Variants in FARS2 observed in about 807,000 individuals in gnomAD.
FARS2 encodes the protein phenylalanine--tRNA ligase, mitochondrial.
In FARS2, 40 loss-of-function variants were observed where a neutral mutation model predicts 46.4. That is an observed-to-expected ratio of 0.86 (90% CI 0.67 to 1.12). The LOEUF (loss-of-function observed/expected upper bound fraction) is 1.12. Ranked by LOEUF, FARS2 falls within the 50% of genes most tolerant of loss-of-function variation. The probability of loss-of-function intolerance (pLI) is 0.00; values close to 1 mark genes in which losing one functional copy is unlikely to be tolerated. For missense variants in FARS2, 513 were observed against 567.9 expected, an observed-to-expected ratio of 0.90 and a Z score of 0.98; for synonymous variants, 234 against 214.9, an observed-to-expected ratio of 1.09 and a Z score of -0.78.
At chr6:5,691,289 G>T (rs983734015) in intron 6 of FARS2, among the ~76,000 whole-genome samples, 1 of 152,090 alleles carries the variant, frequency 6.6e-6, no homozygotes, top group East Asian at 1.9e-4. Flanking sequence ...TTCCAGTTTT[G>T]CTGCTCTGTT....
intron 5 of FARS2, among the ~76,000 whole-genome samples, chr6:5,583,902 T>G (rs78815639): frequency 0.19 from 28,262 of 152,078 alleles, 2,860 homozygotes; most frequent in East Asian, 0.4. Flanking sequence ...TGCCTGAATG[T>G]GATGCATTTT....
intron 1 of FARS2, among the ~76,000 whole-genome samples, chr6:5,362,796 A>G (rs78707878): frequency 0.025 from 3,789 of 151,462 alleles, 161 homozygotes; most frequent in African/African-American, 0.087. Flanking sequence ...TATCTATCTC[A>G]TTGTGCTTTT....
In FARS2 at chr6:5,765,656, G is replaced by A. The variant is rs956501369; in HGVS notation, c.1218-5635G>A. Among the ~76,000 whole-genome samples, 4 of 152,152 alleles carry A rather than the reference G, an allele frequency of 2.6e-5. No individual in the cohort carries two copies. Among genetic ancestry groups the A allele is most frequent in the African/African-American group, 9.7e-5 (4 of 41,432 alleles). ...ATCTCGGGAGAACATGAGGTTCCAC[G>A]TGGGGTGCGGTGTGGCTGACTTCAT... On this transcript the variant is annotated intron_variant, in intron 6 of 6. Transcript: ENST00000274680. This position sits in a 1 kb window ranked among gnomAD's most constrained non-coding sequence, Gnocchi z 4.0.
Position 5,369,036 on chromosome 6 carries a change from A to T in FARS2, c.466A>T (p.Thr156Ser). ...LNRTHMLRAH[T>S]SAHQWDLLHA... is the part of the protein sequence containing the mutation. ...TCGGACTCACATGCTGAGAGCGCAC[A>T]CGTCTGCACACCAGTGGGACTTGCT... The change falls in exon 2 of 7, where the codon ACG (threonine) becomes TCG (serine). Residue 156 changes from threonine (T) to serine (S), a missense_variant. Physicochemically the swap from Thr to Ser is moderately conservative, Grantham distance 58. Coordinates refer to ENST00000274680, the MANE Select transcript of FARS2 (RefSeq NM_006567.5). The T allele has an allele frequency of 6.2e-7, 1 of 1,614,112 alleles. No homozygotes were observed. Among genetic ancestry groups the T allele is most frequent in the Non-Finnish European group, 8.5e-7 (1 of 1,180,010 alleles).
intron 6 of FARS2, among the ~76,000 whole-genome samples, chr6:5,646,152 T>TA (rs1352365757): frequency 6.6e-6 from 1 of 152,140 alleles, no homozygotes; most frequent in Non-Finnish European, 1.5e-5. Context: ...AGCAGGGAGA[T>TA]ACAGGGTAAA....
Position 5,671,490 on chromosome 6 carries a change from A to G in FARS2, c.1217+58170A>G, listed in dbSNP as rs77843322. The stretch of plus-strand genomic sequence containing the variant: ...ACTTCCTGGTGTTACAGAAAGAACT[A>G]TGGTGTTCAAGGTCACTGTTGTATG... On this transcript the variant is annotated intron_variant, in intron 6 of 6. Transcript: ENST00000274680. Among the ~76,000 whole-genome samples, 658 of 152,306 alleles carry G rather than the reference A, an allele frequency of 4.3e-3. 6 individuals are homozygous for G. The highest frequency in any genetic ancestry group is 0.015 in the African/African-American group (630 of 41,574).
At chr6:5,358,238 G>A (rs1237730960) in intron 1 of FARS2, among the ~76,000 whole-genome samples, 1 of 151,932 alleles carries the variant, frequency 6.6e-6, no homozygotes, top group Non-Finnish European at 1.5e-5. Context: ...TTGCTAAATT[G>A]TTTGTGGGGG....
intron 5 of FARS2, among the ~76,000 whole-genome samples, chr6:5,579,698 G>A (rs955157852): frequency 4.4e-4 from 67 of 152,244 alleles, no homozygotes; most frequent in African/African-American, 1.5e-3. Context: ...GGATGTGTGT[G>A]CCTCACAGTC....
intron 1 of FARS2, among the ~76,000 whole-genome samples, chr6:5,345,014 A>G (rs761535444): frequency 7.2e-4 from 109 of 151,608 alleles, no homozygotes; most frequent in Non-Finnish European, 1.3e-3. Context: ...GTGGTCTCGA[A>G]CTCCTGACCT....
At chr6:5,416,241 A>G (rs1159968448) in intron 3 of FARS2, among the ~76,000 whole-genome samples, 1 of 152,066 alleles carries the variant, frequency 6.6e-6, no homozygotes, top group African/African-American at 2.4e-5. Context: ...TTTTTCTACT[A>G]TGTTTTCTTG....
At chr6:5,662,392 G>C (rs1394611141) in intron 6 of FARS2, among the ~76,000 whole-genome samples, 3 of 152,200 alleles carry the variant, frequency 2.0e-5, no homozygotes, top group African/African-American at 7.2e-5. Context: ...GCACCTCTGT[G>C]CTATATGTTA....
At chr6:5,387,799 T>TAAGA (rs1436271281) in intron 2 of FARS2, among the ~76,000 whole-genome samples, 1 of 152,230 alleles carries the variant, frequency 6.6e-6, no homozygotes, top group Non-Finnish European at 1.5e-5. Flanking sequence ...TCTCTCACGA[T>TAAGA]AAGAGACTGA....
At chr6:5,330,168 C>T (rs1010765220) in intron 1 of FARS2, among the ~76,000 whole-genome samples, 2 of 152,136 alleles carry the variant, frequency 1.3e-5, no homozygotes, top group Non-Finnish European at 2.9e-5. Flanking sequence ...CTCCTATTAT[C>T]CCTATCAATC....
chr6:5,721,074 A>G lies in FARS2; in HGVS notation c.1218-50217A>G, dbSNP rs1224009227. ...CTCTTTAAAAAGAAATAAAGTTTAA[A>G]TGTTTTAAGTAAAACATTTTAAAAG... On this transcript the variant is annotated intron_variant, in intron 6 of 6. Coordinates refer to ENST00000274680, the MANE Select transcript of FARS2 (RefSeq NM_006567.5). Among the ~76,000 whole-genome samples the G allele has an allele frequency of 2.6e-5, 4 of 152,290 alleles. No individual in the cohort carries two copies. The East Asian group carries it at 7.7e-4, about 29-fold the overall frequency.
Position 5,771,341 on chromosome 6 carries a change from G to A in FARS2, c.1268G>A (p.Arg423Gln), listed in dbSNP as rs148921184. 1.1e-4 allele frequency: 178 copies of A among 1,614,052 alleles called. No individual in the cohort carries two copies. Among genetic ancestry groups the A allele is most frequent in the African/African-American group, 1.7e-4 (13 of 75,040 alleles). ...CGCATCACGTACCGCCACATGGAACGGACTCTGTCCCAGAGAGAGGTCAGG... is the reference window on the plus strand; with the variant it reads ...CGCATCACGTACCGCCACATGGAACAGACTCTGTCCCAGAGAGAGGTCAGG... The part of the protein sequence containing the change: ...CYRITYRHME[R>Q]TLSQREVRHI... The change falls in exon 7 of 7, where the codon CGG becomes CAG. Residue 423 changes from arginine to glutamine, a missense_variant. Transcript: ENST00000274680.
At chr6:5,440,919 C>CTTTTTTTTTTTTTTTTTTTTTT (rs56965644) in intron 4 of FARS2, among the ~76,000 whole-genome samples, 2 of 144,502 alleles carry the variant, frequency 1.4e-5, no homozygotes, top group Non-Finnish European at 1.5e-5. Context: ...CATTTTCTTT[C>CTTTTTTTTTTTTTTTTTTTTTT]TTTTTTTTTT....
intron 6 of FARS2, among the ~76,000 whole-genome samples, chr6:5,696,921 T>G (rs1269699609): frequency 6.6e-6 from 1 of 152,202 alleles, no homozygotes; most frequent in African/African-American, 2.4e-5. Flanking sequence ...ATCAGTGACT[T>G]AATAAGCAGT....
chr6:5,444,206 A>C (rs191310302), intron 4 of FARS2, among the ~76,000 whole-genome samples: 357 of 151,908 alleles, frequency 2.4e-3, no homozygotes, highest in Middle Eastern at 6.9e-3. Context: ...CAATGGCTCA[A>C]GCCTGTAATC....
At chr6:5,361,640 C>T (rs1758310416) in intron 1 of FARS2, among the ~76,000 whole-genome samples, 1 of 152,184 alleles carries the variant, frequency 6.6e-6, no homozygotes, top group Admixed American at 6.5e-5. Flanking sequence ...GGAAGTTGGC[C>T]ATTTTCCCAC....
Sources: allele counts gnomAD v4.1 joint callset (sites outside exome capture counted in the v4.1 genomes callset), GRCh38; gene constraint gnomAD v4.1.1; non-coding constraint Gnocchi (gnomAD v3.1); transcripts MANE v1.5; gene names NCBI Gene and HGNC (gene_info 2026-07-23, HGNC 2026-07-21).